The following PFKFB3 variants were observed in gnomAD, a reference collection of about 807,000 sequenced individuals.
PFKFB3 encodes 6-phosphofructo-2-kinase/fructose-2,6-bisphosphatase 3.
A neutral mutation model predicts 68.0 loss-of-function variants in PFKFB3; 33 were observed. The ratio of observed to expected loss-of-function variants is 0.49; its 90% CI spans 0.37 to 0.65. The LOEUF is 0.65. Ranked by LOEUF, PFKFB3 falls within the 30% of genes least tolerant of loss-of-function variation. PFKFB3 has a pLI of 0.00. For missense variants in PFKFB3, 586 were observed against 712.2 expected (o/e 0.82, Z 2.02); for synonymous variants, 315 against 288.2 (o/e 1.09, Z -0.94).
chr10:6,177,389 T>TTTCTTTCTTTCTTTCTTTCTTTTTCTTTC (rs374332811), intron 1 of PFKFB3, among the ~76,000 whole-genome samples: 1 of 122,970 alleles, frequency 8.1e-6, no homozygotes, highest in Non-Finnish European at 1.8e-5. Context: ...TCTTTCTTTC[T>TTTCTTTCTTTCTTTCTTTCTTTTTCTTTC]TTCTTTCTTT....
chr10:6,147,696 A>T (rs542549819), intron 1 of PFKFB3, among the ~76,000 whole-genome samples: 7 of 151,616 alleles, frequency 4.6e-5, no homozygotes, highest in Non-Finnish European at 1.0e-4. Context: ...GAGAATCCTC[A>T]ACCTAGACCT....
At chr10:6,199,044 A>G (rs1042977260), upstream of PFKFB3, among the ~76,000 whole-genome samples, 1 of 152,214 alleles carries the variant, frequency 6.6e-6, no homozygotes, top group African/African-American at 2.4e-5. Context: ...ATTTATTGAA[A>G]TAAGAGCCCC....
the PFKFB3 span, among the ~76,000 whole-genome samples, chr10:6,324,701 G>A: frequency 0.017 from 2,535 of 152,080 alleles, 67 homozygotes; most frequent in African/African-American, 0.058. Context: ...AAGTGTTAGG[G>A]TTACAGGCAT....
chr10:6,257,004 A>G (rs1414635762), downstream of PFKFB3, among the ~76,000 whole-genome samples: 3 of 152,224 alleles, frequency 2.0e-5, no homozygotes, highest in Non-Finnish European at 2.9e-5. Flanking sequence ...TTTCTTTTCT[A>G]AAATTCCCAG....
intron 1 of PFKFB3, among the ~76,000 whole-genome samples, chr10:6,148,490 G>T (rs373979819): frequency 4.6e-5 from 7 of 152,232 alleles, no homozygotes; most frequent in South Asian, 4.1e-4. Flanking sequence ...TGGCCCAGGT[G>T]GGGGAAGGAT....
At chr10:6,189,851 C>T (rs934817212) in intron 1 of PFKFB3, among the ~76,000 whole-genome samples, 1 of 151,922 alleles carries the variant, frequency 6.6e-6, no homozygotes, top group African/African-American at 2.4e-5. Flanking sequence ...AGATGGTGCC[C>T]GCCAGTTTTC....
intron 1 of PFKFB3, among the ~76,000 whole-genome samples, chr10:6,181,484 GC>G (rs1331957119): frequency 6.6e-6 from 1 of 152,198 alleles, no homozygotes; most frequent in African/African-American, 2.4e-5. Flanking sequence ...ACATACATCA[GC>G]CCTGAAGACA....
At chr10:6,169,071 GC>G (rs1289889093) in intron 1 of PFKFB3, among the ~76,000 whole-genome samples, 2 of 152,208 alleles carry the variant, frequency 1.3e-5, no homozygotes, top group Non-Finnish European at 2.9e-5. Context: ...CTCCCAAGTA[GC>G]TGGGGCTACA....
chr10:6,286,888 A>G, the PFKFB3 span, among the ~76,000 whole-genome samples: 2 of 152,106 alleles, frequency 1.3e-5, no homozygotes, highest in Non-Finnish European at 2.9e-5. Flanking sequence ...TAGCTTATCA[A>G]TTATATTTCT....
intron 1 of PFKFB3, among the ~76,000 whole-genome samples, chr10:6,163,664 A>AGCAGCTGCGGGCCCGACGGGG (rs1342613779): frequency 3.3e-5 from 5 of 151,850 alleles, no homozygotes; most frequent in Admixed American, 6.5e-5. Context: ...GGGCCCCGGG[A>AGCAGCTGCGGGCCCGACGGGG]GCAGCTGCGG....
intron 1 of PFKFB3, among the ~76,000 whole-genome samples, chr10:6,171,864 C>T (rs1332515612): frequency 6.6e-6 from 1 of 152,216 alleles, no homozygotes; most frequent in Non-Finnish European, 1.5e-5. Context: ...GGGGAGGGAG[C>T]CCGCGCTTCT....
chr10:6,263,214 A>G, the PFKFB3 span, among the ~76,000 whole-genome samples: 2 of 152,358 alleles, frequency 1.3e-5, no homozygotes, highest in East Asian at 3.9e-4. Context: ...GGATGGGCCG[A>G]ATTAAAGAAA....
At chr10:6,324,955 A>T in the PFKFB3 span, among the ~76,000 whole-genome samples, 1 of 151,822 alleles carries the variant, frequency 6.6e-6, no homozygotes, top group Non-Finnish European at 1.5e-5. Context: ...GATGCATACA[A>T]GTGTTGGCAT....
intron 1 of PFKFB3, among the ~76,000 whole-genome samples, chr10:6,169,247 A>T (rs1842233111): frequency 1.3e-5 from 2 of 152,174 alleles, no homozygotes; most frequent in South Asian, 2.1e-4. Flanking sequence ...CAGTCTTCTT[A>T]TATTTTCTTG....
chr10:6,187,302 A>G (rs1000165426), intron 1 of PFKFB3, among the ~76,000 whole-genome samples: 9 of 152,044 alleles, frequency 5.9e-5, no homozygotes, highest in Admixed American at 5.9e-4. Context: ...TGGGGGTTGC[A>G]GTGAGCTGAG....
upstream of PFKFB3, among the ~76,000 whole-genome samples, chr10:6,199,658 ATTT>A (rs143309528): frequency 0.014 from 1,073 of 75,560 alleles, 11 homozygotes; most frequent in African/African-American, 0.046. Flanking sequence ...CTATTTTTAA[ATTT>A]TTTTTTTTTT....
intron 14 of PFKFB3, among the ~76,000 whole-genome samples, chr10:6,231,861 TGGCGGGCACCCATCACCTCTC>T (rs1226176037): frequency 5.4e-5 from 8 of 149,024 alleles, no homozygotes; most frequent in East Asian, 4.0e-4. Flanking sequence ...CATCACCTCC[TGGCGGGCACCCATCACCTCTC>T]GGCGGGCACC....
intron 1 of PFKFB3, chr10:6,146,128 G>C (rs959113294): frequency 3.1e-6 from 2 of 646,042 alleles, no homozygotes; most frequent in Admixed American, 1.3e-4. Context: ...GGACGTTGAG[G>C]ACTGGGGGTG....
chr10:6,284,836 T>A, the PFKFB3 span, among the ~76,000 whole-genome samples: 1 of 152,220 alleles, frequency 6.6e-6, no homozygotes, highest in Non-Finnish European at 1.5e-5. Context: ...AATCATGCAA[T>A]ATTTGTCCTT....
Sources: allele counts gnomAD v4.1 joint callset (sites outside exome capture counted in the v4.1 genomes callset), GRCh38; gene constraint gnomAD v4.1.1; transcripts MANE v1.5; gene names NCBI Gene and HGNC (gene_info 2026-07-23, HGNC 2026-07-21).